EPS15: variants seen among roughly 807,000 people sequenced by gnomAD.
EPS15 encodes epidermal growth factor receptor substrate 15.
In EPS15, 72 loss-of-function variants were observed where a neutral mutation model predicts 113.8. The observed-to-expected ratio is 0.63, with a 90% CI of 0.52 to 0.77. The LOEUF (loss-of-function observed/expected upper bound fraction) is 0.77, where lower values mean the gene tolerates loss of function less well. EPS15 is among the 30% of genes least tolerant of loss of function. The probability of loss-of-function intolerance (pLI) is 0.00; values close to 1 mark genes in which losing one functional copy is unlikely to be tolerated. For missense variants in EPS15, 1,048 were observed against 1,045.8 expected (o/e 1.00, Z -0.03); for synonymous variants, 344 against 363.4 (o/e 0.95, Z 0.61).
At chr1:51,446,374 T>G (rs1294951413) in intron 10 of EPS15, among the ~76,000 whole-genome samples, 1 of 152,142 alleles carries the variant, frequency 6.6e-6, no homozygotes, top group Non-Finnish European at 1.5e-5. Context: ...CTGGATTCTC[T>G]CTGAAAATTT....
chr1:51,438,452 T>A (rs1652331390), intron 12 of EPS15, among the ~76,000 whole-genome samples: 1 of 152,146 alleles, frequency 6.6e-6, no homozygotes, highest in African/African-American at 2.4e-5. Flanking sequence ...AGTAAGAGCA[T>A]TTTTTCTATG....
chr1:51,389,670 C>T (rs1647203252), intron 21 of EPS15, among the ~76,000 whole-genome samples: 1 of 152,200 alleles, frequency 6.6e-6, no homozygotes, highest in Middle Eastern at 3.2e-3. Flanking sequence ...TCTTATACAC[C>T]AATAACAGAC....
Position 51,387,380 on chromosome 1 carries a change from G to T in EPS15, c.2119+7001C>A, listed in dbSNP as rs565735161. Among the ~76,000 whole-genome samples, 258 of 152,048 alleles carry T rather than the reference G, an allele frequency of 1.7e-3. 2 individuals carry two copies. Among genetic ancestry groups the T allele is most frequent in the African/African-American group, 6.0e-3 (247 of 41,466 alleles). On this transcript the variant is annotated intron_variant, in intron 21 of 24. Transcript: ENST00000371733. ...CTGCAAAATCATGCCAAATTGTAAA[G>T]ACCATCGAGACTAGGAAGAAACTGC... is the stretch of plus-strand genomic sequence containing the variant.
At chr1:51,380,224 CAAA>C (rs566761870) in intron 21 of EPS15, among the ~76,000 whole-genome samples, 1 of 111,348 alleles carries the variant, frequency 9.0e-6, no homozygotes. Flanking sequence ...AACTCTGCCT[CAAA>C]AAAAAAAAGG....
chr1:51,380,151 G>A (rs1468843678), intron 21 of EPS15, among the ~76,000 whole-genome samples: 5 of 151,676 alleles, frequency 3.3e-5, no homozygotes, highest in Admixed American at 1.3e-4. Flanking sequence ...CTGAACCCAG[G>A]AGGCAGACGT....
intron 21 of EPS15, among the ~76,000 whole-genome samples, chr1:51,388,654 G>A (rs1475491681): frequency 6.6e-6 from 1 of 152,134 alleles, no homozygotes; most frequent in Non-Finnish European, 1.5e-5. Flanking sequence ...CGATCCCACA[G>A]AAATACAAAC....
chr1:51,359,667 A>T (rs1570069087), intron 24 of EPS15, among the ~76,000 whole-genome samples: 1 of 151,646 alleles, frequency 6.6e-6, no homozygotes. Context: ...CTGAGGCAGG[A>T]GAATTGCTTG....
rs567926223 is a variant in EPS15, at chr1:51,435,249, CTG to C, written c.1040+5096_1040+5097del. ...GTTGCCTAAGCTGGAGTGATCTCGGCTGTGAGTGATCTCGGCTCACTGCAACT... is the reference window on the plus strand; with the variant it reads ...GTTGCCTAAGCTGGAGTGATCTCGGCTGAGTGATCTCGGCTCACTGCAACT... On this transcript the variant is annotated intron_variant, in intron 12 of 24. Coordinates refer to ENST00000371733, the MANE Select transcript of EPS15 (RefSeq NM_001981.3). Among the ~76,000 whole-genome samples the C allele has an allele frequency of 3.8e-3, 577 of 151,908 alleles. 2 individuals carry two copies. Among genetic ancestry groups the C allele is most frequent in the Non-Finnish European group, 5.6e-3 (381 of 67,958 alleles).
chr1:51,443,816 C>T (rs1213738301), intron 11 of EPS15, among the ~76,000 whole-genome samples: 1 of 151,612 alleles, frequency 6.6e-6, no homozygotes, highest in Non-Finnish European at 1.5e-5. Context: ...ACGCACCTGG[C>T]TAATTTTTTT....
At chr1:51,358,004 C>T (rs72694126) in intron 24 of EPS15, among the ~76,000 whole-genome samples, 2,932 of 152,056 alleles carry the variant, frequency 0.019, 47 homozygotes, top group Non-Finnish European at 0.031. Context: ...CTCCCAAGAA[C>T]CTAATCATAT....
intron 24 of EPS15, among the ~76,000 whole-genome samples, chr1:51,360,863 AC>A (rs1646368387): frequency 6.6e-6 from 1 of 152,040 alleles, no homozygotes; most frequent in Non-Finnish European, 1.5e-5. Flanking sequence ...AATCACCATC[AC>A]CCATAACCAT....
intron 1 of EPS15, among the ~76,000 whole-genome samples, chr1:51,505,600 C>A (rs1397702441): frequency 6.6e-6 from 1 of 151,898 alleles, no homozygotes; most frequent in African/African-American, 2.4e-5. Flanking sequence ...GATGTTTGCA[C>A]GTATCTGTGA....
At chr1:51,373,465 T>G (rs1445134089) in intron 21 of EPS15, among the ~76,000 whole-genome samples, 1 of 152,242 alleles carries the variant, frequency 6.6e-6, no homozygotes, top group Non-Finnish European at 1.5e-5. Context: ...ATAACATTTT[T>G]GGTACTCCTC....
intron 1 of EPS15, among the ~76,000 whole-genome samples, chr1:51,485,845 T>G (rs1388702659): frequency 6.6e-6 from 1 of 152,106 alleles, no homozygotes; most frequent in African/African-American, 2.4e-5. Flanking sequence ...TCGCCCAGGG[T>G]GGAGTGCAAT....
chr1:51,406,856 A>T (rs1368658467), intron 15 of EPS15, among the ~76,000 whole-genome samples: 1 of 152,186 alleles, frequency 6.6e-6, no homozygotes, highest in Non-Finnish European at 1.5e-5. Context: ...TGCAGGGAAA[A>T]ATCTTATTAT....
At chr1:51,454,190 T>C (rs1479603112) in intron 8 of EPS15, among the ~76,000 whole-genome samples, 1 of 152,034 alleles carries the variant, frequency 6.6e-6, no homozygotes, top group African/African-American at 2.4e-5. Context: ...TATACATCTC[T>C]AAGTGCCAAA....
intron 15 of EPS15, among the ~76,000 whole-genome samples, chr1:51,407,856 A>ATT (rs1649278352): frequency 1.3e-5 from 2 of 152,190 alleles, no homozygotes; most frequent in African/African-American, 4.8e-5. Flanking sequence ...TACTAAGGTG[A>ATT]TTTAGCTAGT....
intron 1 of EPS15, among the ~76,000 whole-genome samples, chr1:51,512,405 A>G (rs902698953): frequency 2.0e-5 from 3 of 152,224 alleles, no homozygotes; most frequent in Admixed American, 6.5e-5. Context: ...TTAAAAATCT[A>G]GATTTTGCAG....
chr1:51,408,279 G>A lies in EPS15; in HGVS notation c.1329C>T (p.Tyr443=), dbSNP rs1065754. 0.69 allele frequency: 1,112,933 copies of A among 1,612,114 alleles called. 389,759 individuals are homozygous for A. Among genetic ancestry groups the A allele is most frequent in the East Asian group, 0.99 (44,445 of 44,872 alleles). Reference sequence around the variant, plus strand: ...CTCTAGCTTTTGCCAATTCTTCTTCGTAAGTGGAGATCTGCGATTCCTGAC... The same window carrying A: ...CTCTAGCTTTTGCCAATTCTTCTTCATAAGTGGAGATCTGCGATTCCTGAC... ...LTSQESQIST[Y]EEELAKAREE... Residue 443 remains tyrosine, a synonymous_variant, in exon 15 of 25, where the codon TAC becomes TAT. Coordinates refer to ENST00000371733, the MANE Select transcript of EPS15 (RefSeq NM_001981.3).
Sources: allele counts gnomAD v4.1 joint callset (sites outside exome capture counted in the v4.1 genomes callset), GRCh38; gene constraint gnomAD v4.1.1; transcripts MANE v1.5; gene names NCBI Gene and HGNC (gene_info 2026-07-23, HGNC 2026-07-21).